Variants in ZNF420 observed in about 807,000 individuals in gnomAD.
The protein encoded by ZNF420 is ATM and p53-associated KZNF protein.
In ZNF420, 31 loss-of-function variants were observed where a neutral mutation model predicts 44.7. The observed-to-expected ratio is 0.69, with a 90% CI of 0.52 to 0.94. The LOEUF (loss-of-function observed/expected upper bound fraction) is 0.94, where lower values mean the gene tolerates loss of function less well. ZNF420 is among the 40% of genes least tolerant of loss of function. The probability of loss-of-function intolerance (pLI) is 0.00; values close to 1 mark genes in which losing one functional copy is unlikely to be tolerated. For synonymous variants in ZNF420, 245 were observed against 267.4 expected (o/e 0.92, Z 0.82); for missense variants, 681 against 827.9 (o/e 0.82, Z 2.18).
intron 1 of ZNF420, among the ~76,000 whole-genome samples, chr19:37,012,246 C>T (rs1360133700): frequency 2.0e-5 from 3 of 152,202 alleles, no homozygotes; most frequent in African/African-American, 7.2e-5. Context: ...ATCCAGGTGC[C>T]CTCCTACCGC....
At chr19:37,102,678 A>G (rs905903132) in intron 4 of ZNF420, among the ~76,000 whole-genome samples, 3 of 152,160 alleles carry the variant, frequency 2.0e-5, no homozygotes, top group East Asian at 1.9e-4. Context: ...ACAACCTCCT[A>G]CCTGAATTCC....
chr19:37,095,202 C>T (rs570713275), intron 4 of ZNF420, among the ~76,000 whole-genome samples: 11 of 151,722 alleles, frequency 7.3e-5, no homozygotes, highest in East Asian at 3.9e-4. Flanking sequence ...CTGCCATTGC[C>T]GGTGAATTTA....
chr19:37,050,339 A>T (rs1268733975), intron 1 of ZNF420, among the ~76,000 whole-genome samples: 2 of 152,240 alleles, frequency 1.3e-5, no homozygotes, highest in East Asian at 3.9e-4. Flanking sequence ...TGATTCTTCC[A>T]ACCCATGAGC....
intron 1 of ZNF420, among the ~76,000 whole-genome samples, chr19:37,014,322 T>G (rs1322586185): frequency 6.6e-6 from 1 of 152,054 alleles, no homozygotes; most frequent in Non-Finnish European, 1.5e-5. Flanking sequence ...GCTGACTCCC[T>G]CCCCTGGGAT....
intron 4 of ZNF420, among the ~76,000 whole-genome samples, chr19:37,113,265 T>G (rs997913509): frequency 1.3e-5 from 2 of 152,230 alleles, no homozygotes; most frequent in Non-Finnish European, 2.9e-5. Context: ...AGTTATATTT[T>G]GTTTATTTGA....
At chr19:37,114,518 G>A (rs1372362825) in intron 4 of ZNF420, among the ~76,000 whole-genome samples, 1 of 152,082 alleles carries the variant, frequency 6.6e-6, no homozygotes, top group African/African-American at 2.4e-5. Context: ...ACTGCTGGGA[G>A]AGGAGTTGGC....
At chr19:37,029,130 A>G (rs1283851045) in intron 1 of ZNF420, among the ~76,000 whole-genome samples, 2 of 152,210 alleles carry the variant, frequency 1.3e-5, no homozygotes, top group Admixed American at 1.3e-4. Flanking sequence ...AGATTCAGAA[A>G]TATCTTTAAC....
chr19:37,045,339 G>C (rs1168003547), intron 1 of ZNF420, among the ~76,000 whole-genome samples: 2 of 152,156 alleles, frequency 1.3e-5, no homozygotes, highest in African/African-American at 4.8e-5. Context: ...GAAGTCAACA[G>C]GTGTTATTAA....
intron 2 of ZNF420, among the ~76,000 whole-genome samples, chr19:37,085,489 G>A (rs976135331): frequency 3.3e-5 from 5 of 152,132 alleles, no homozygotes; most frequent in South Asian, 2.1e-4. Context: ...TGGCCTCCCC[G>A]CAGCAGACTT....
intron 1 of ZNF420, among the ~76,000 whole-genome samples, chr19:37,040,396 C>T (rs1967432782): frequency 6.6e-6 from 1 of 152,214 alleles, no homozygotes; most frequent in Admixed American, 6.5e-5. Context: ...TCGTGGTTGA[C>T]TTGGTCTTCT....
At chr19:37,026,061 T>TC (rs1434849163) in intron 1 of ZNF420, among the ~76,000 whole-genome samples, 3 of 152,040 alleles carry the variant, frequency 2.0e-5, no homozygotes, top group Non-Finnish European at 4.4e-5. Flanking sequence ...ATGCCTGTAA[T>TC]CCAGCACTTT....
At chr19:37,077,459 G>A (rs780913013), upstream of ZNF420, among the ~76,000 whole-genome samples, 10 of 152,148 alleles carry the variant, frequency 6.6e-5, no homozygotes, top group Non-Finnish European at 1.5e-4. Flanking sequence ...CCTAGGACTG[G>A]TTTTGAAATA....
intron 1 of ZNF420, among the ~76,000 whole-genome samples, chr19:37,038,994 A>T (rs1568426436): frequency 6.6e-6 from 1 of 151,808 alleles, no homozygotes; most frequent in Non-Finnish European, 1.5e-5. Context: ...CTCAAAAAAA[A>T]AAAGAAAAGA....
At chr19:37,122,622 A>G (rs1222758922) in intron 4 of ZNF420, among the ~76,000 whole-genome samples, 1 of 147,892 alleles carries the variant, frequency 6.8e-6, no homozygotes, top group African/African-American at 2.4e-5. Context: ...ATTTAAAAAA[A>G]CAACAACACA....
chr19:37,029,518 ATTTTTTTTCTTTTTCTTTTTC>A (rs532721106), intron 1 of ZNF420, among the ~76,000 whole-genome samples: 2 of 149,952 alleles, frequency 1.3e-5, no homozygotes, highest in African/African-American at 2.5e-5. Flanking sequence ...GAATCCTTTA[ATTTTTTTTCTTTTTCTTTTTC>A]TTTTTTTTCT....
At chr19:37,034,299 G>C in intron 1 of ZNF420, among the ~76,000 whole-genome samples, 1 of 152,012 alleles carries the variant, frequency 6.6e-6, no homozygotes, top group Middle Eastern at 3.2e-3. Context: ...GTGCTTGATG[G>C]CCAGTTGTAT....
intron 1 of ZNF420, among the ~76,000 whole-genome samples, chr19:37,067,471 A>G (rs1467290251): frequency 1.3e-5 from 2 of 152,184 alleles, no homozygotes; most frequent in African/African-American, 4.8e-5. Context: ...ATTATTTGGT[A>G]AAGCAAATAC....
At chr19:37,103,456 G>C (rs1054876538) in intron 4 of ZNF420, among the ~76,000 whole-genome samples, 4 of 152,010 alleles carry the variant, frequency 2.6e-5, no homozygotes, top group African/African-American at 9.7e-5. Flanking sequence ...ATGTCTGCTA[G>C]TTTTTGTTTA....
intron 1 of ZNF420, among the ~76,000 whole-genome samples, chr19:37,044,668 C>T (rs1398110113): frequency 6.6e-6 from 1 of 152,038 alleles, no homozygotes; most frequent in Non-Finnish European, 1.5e-5. Flanking sequence ...GAGTTCGAGA[C>T]CAGCCTGGCC....
Sources: gnomAD v4.1 joint callset for allele counts (sites outside exome capture counted in the v4.1 genomes callset) on GRCh38, gnomAD v4.1.1 for gene constraint, MANE v1.5 for transcripts, NCBI Gene and HGNC (gene_info 2026-07-23, HGNC 2026-07-21) for gene names.